Variants in RANBP2 observed in about 807,000 individuals in gnomAD.
The protein encoded by RANBP2 is RAN binding protein 2, also known as E3 SUMO-protein ligase RanBP2.
Under a neutral mutation model 303.6 loss-of-function variants are expected in RANBP2, and 57 were observed. The ratio of observed to expected loss-of-function variants is 0.19; its 90% CI spans 0.15 to 0.23. RANBP2 has a LOEUF of 0.23. RANBP2 is among the 10% of genes least tolerant of loss of function. RANBP2 has a pLI of 1.00. For missense variants in RANBP2, 3,138 were observed against 3,780.8 expected (o/e 0.83, Z 4.46); for synonymous variants, 1,167 against 1,301.5 (o/e 0.90, Z 2.23).
chr2:108,726,781 C>G (rs931018693), intron 1 of RANBP2, among the ~76,000 whole-genome samples: 4 of 151,942 alleles, frequency 2.6e-5, no homozygotes, highest in African/African-American at 9.7e-5. Context: ...GACCCTGCAG[C>G]CTTCCGCAGT....
the RANBP2 span, among the ~76,000 whole-genome samples, chr2:109,042,026 T>G: frequency 6.6e-6 from 1 of 152,220 alleles, no homozygotes; most frequent in East Asian, 1.9e-4. Flanking sequence ...TGGATTCAGT[T>G]TGATTATAGG....
At chr2:109,722,467 CT>C in the RANBP2 span, among the ~76,000 whole-genome samples, 1 of 152,220 alleles carries the variant, frequency 6.6e-6, no homozygotes, top group African/African-American at 2.4e-5. Context: ...CCCATTGGTC[CT>C]TCTCTTTTGT....
chr2:108,891,534 C>T, the RANBP2 span, among the ~76,000 whole-genome samples: 1 of 152,196 alleles, frequency 6.6e-6, no homozygotes, highest in Non-Finnish European at 1.5e-5. Flanking sequence ...GCCAAATGGG[C>T]CAGTCTTCAG....
chr2:109,239,769 G>A, the RANBP2 span, among the ~76,000 whole-genome samples: 1 of 152,236 alleles, frequency 6.6e-6, no homozygotes, highest in Non-Finnish European at 1.5e-5. Flanking sequence ...CGGCACTGCT[G>A]TGGGAGTCCC....
At chr2:108,869,051 A>T in the RANBP2 span, among the ~76,000 whole-genome samples, 6 of 151,596 alleles carry the variant, frequency 4.0e-5, no homozygotes, top group African/African-American at 1.5e-4. Flanking sequence ...CTTGAAGAAA[A>T]TTTTTTTTTC....
At chr2:109,658,655 A>G in the RANBP2 span, among the ~76,000 whole-genome samples, 1 of 151,508 alleles carries the variant, frequency 6.6e-6, no homozygotes, top group Admixed American at 6.6e-5. Context: ...GGCCAGGCAC[A>G]GTAGCTCATG....
At chr2:109,323,855 T>G in the RANBP2 span, among the ~76,000 whole-genome samples, 1 of 152,266 alleles carries the variant, frequency 6.6e-6, no homozygotes, top group Non-Finnish European at 1.5e-5. Context: ...TTTATCTTTT[T>G]AAAAGTAATT....
chr2:109,145,567 CG>C, the RANBP2 span, among the ~76,000 whole-genome samples: 4 of 152,280 alleles, frequency 2.6e-5, no homozygotes, highest in Non-Finnish European at 4.4e-5. Flanking sequence ...CTAGGCTGTC[CG>C]GGGGGCCTCA....
the RANBP2 span, among the ~76,000 whole-genome samples, chr2:109,378,871 T>TC: frequency 6.6e-6 from 1 of 152,168 alleles, no homozygotes; most frequent in Non-Finnish European, 1.5e-5. Flanking sequence ...GCTGGATAGT[T>TC]CCCTCATATG....
the RANBP2 span, among the ~76,000 whole-genome samples, chr2:109,484,063 C>CT: frequency 1.4e-5 from 2 of 139,480 alleles, no homozygotes; most frequent in African/African-American, 5.4e-5. Flanking sequence ...ATCCTCTGGC[C>CT]TTTCTTTTTT....
chr2:109,679,920 C>T, the RANBP2 span, among the ~76,000 whole-genome samples: 4 of 152,220 alleles, frequency 2.6e-5, no homozygotes, highest in Admixed American at 6.5e-5. Context: ...AGAGGCAAAT[C>T]GCCAGTGTGG....
chr2:109,188,624 G>A, the RANBP2 span, among the ~76,000 whole-genome samples: 1 of 152,210 alleles, frequency 6.6e-6, no homozygotes, highest in Non-Finnish European at 1.5e-5. Flanking sequence ...TGGTGAGGGT[G>A]CAGTCATCCA....
At chr2:109,684,377 A>G in the RANBP2 span, among the ~76,000 whole-genome samples, 1 of 149,150 alleles carries the variant, frequency 6.7e-6, no homozygotes, top group South Asian at 2.1e-4. Context: ...AGTAGTTGGG[A>G]TTACAGGCAT....
the RANBP2 span, among the ~76,000 whole-genome samples, chr2:109,434,151 T>A: frequency 2.0e-5 from 3 of 152,168 alleles, no homozygotes; most frequent in African/African-American, 7.2e-5. Flanking sequence ...AGGTCACCCC[T>A]CTAGGTTAGG....
downstream of RANBP2, among the ~76,000 whole-genome samples, chr2:108,789,519 G>T (rs748967615): frequency 6.6e-6 from 1 of 152,204 alleles, no homozygotes; most frequent in Non-Finnish European, 1.5e-5. Flanking sequence ...ACTTGAACCC[G>T]GGAGGTGGAG....
At chr2:109,203,333 C>T in the RANBP2 span, among the ~76,000 whole-genome samples, 6 of 152,224 alleles carry the variant, frequency 3.9e-5, no homozygotes, top group East Asian at 1.9e-4. Flanking sequence ...GGCGCAGATG[C>T]GGCGGAGCTT....
At chr2:109,206,655 A>T in the RANBP2 span, among the ~76,000 whole-genome samples, 1,795 of 151,996 alleles carry the variant, frequency 0.012, 23 homozygotes, top group Non-Finnish European at 0.014. Context: ...CAAAAAAAAA[A>T]TTTTTTTTAA....
the RANBP2 span, among the ~76,000 whole-genome samples, chr2:109,632,561 C>G: frequency 2.8e-4 from 42 of 152,310 alleles, 2 homozygotes; most frequent in African/African-American, 8.7e-4. Flanking sequence ...CGCCTATAAT[C>G]CCAGGACTTT....
At chr2:109,695,440 C>A in the RANBP2 span, among the ~76,000 whole-genome samples, 2 of 152,204 alleles carry the variant, frequency 1.3e-5, no homozygotes, top group Non-Finnish European at 2.9e-5. Flanking sequence ...TGCTGAGATG[C>A]AGCATGAAAG....
Sources: gnomAD v4.1 joint callset for allele counts (sites outside exome capture counted in the v4.1 genomes callset) on GRCh38, gnomAD v4.1.1 for gene constraint, MANE v1.5 for transcripts, NCBI Gene and HGNC (gene_info 2026-07-23, HGNC 2026-07-21) for gene names.